The following SYNPR variants were observed in gnomAD, a reference collection of about 807,000 sequenced individuals.
The protein encoded by SYNPR is synaptoporin.
Under a neutral mutation model 32.9 loss-of-function variants are expected in SYNPR, and 23 were observed. The observed-to-expected ratio is 0.70, with a 90% CI of 0.50 to 0.99. The LOEUF is 0.99. Among genes scored for constraint, SYNPR ranks in the 50% least tolerant of loss-of-function variants. The pLI, the probability that SYNPR is intolerant of heterozygous loss-of-function variation, is 0.00. For synonymous variants in SYNPR, 146 were observed against 135.9 expected (o/e 1.07, Z -0.52); for missense variants, 318 against 349.3 (o/e 0.91, Z 0.71).
At chr3:63,451,389 A>C (rs947533486) in intron 2 of SYNPR, among the ~76,000 whole-genome samples, 2 of 152,182 alleles carry the variant, frequency 1.3e-5, no homozygotes, top group Admixed American at 6.6e-5. Flanking sequence ...ATTCCATCTC[A>C]AGGGGAGATT....
chr3:63,479,060 C>T (rs966729570), intron 2 of SYNPR, among the ~76,000 whole-genome samples: 4 of 152,122 alleles, frequency 2.6e-5, no homozygotes, highest in Non-Finnish European at 5.9e-5. Flanking sequence ...TGTGTCTCAA[C>T]CCTAGATTGT....
chr3:63,560,069 C>A (rs1702660542), intron 4 of SYNPR, among the ~76,000 whole-genome samples: 1 of 152,090 alleles, frequency 6.6e-6, no homozygotes, highest in Non-Finnish European at 1.5e-5. Context: ...TCCCATCAAG[C>A]AAGATATGAT....
At chr3:63,332,867 G>A (rs912297013) in intron 2 of SYNPR, among the ~76,000 whole-genome samples, 1 of 152,048 alleles carries the variant, frequency 6.6e-6, no homozygotes, top group African/African-American at 2.4e-5. Context: ...TGACATTTTG[G>A]GCTGCCTGGT....
intron 4 of SYNPR, among the ~76,000 whole-genome samples, chr3:63,561,897 G>A (rs997449678): frequency 6.6e-6 from 1 of 152,138 alleles, no homozygotes; most frequent in Non-Finnish European, 1.5e-5. Context: ...GAATATGTAT[G>A]ACAAGATTGC....
chr3:63,540,417 A>C (rs1221591740), intron 3 of SYNPR, among the ~76,000 whole-genome samples: 1 of 152,148 alleles, frequency 6.6e-6, no homozygotes, highest in Non-Finnish European at 1.5e-5. Flanking sequence ...GGCAAGGTGC[A>C]GAAAACAAGG....
intron 3 of SYNPR, among the ~76,000 whole-genome samples, chr3:63,522,488 T>C (rs1203923968): frequency 3.3e-5 from 5 of 152,242 alleles, no homozygotes; most frequent in Admixed American, 6.5e-5. Context: ...AACTACATCA[T>C]ATAATGATTG....
At chr3:63,284,596 G>C (rs2086662648) in intron 2 of SYNPR, among the ~76,000 whole-genome samples, 1 of 152,074 alleles carries the variant, frequency 6.6e-6, no homozygotes. Context: ...GTGAGGTATA[G>C]GTCTACTTGA....
At chr3:63,470,317 AT>A (rs1270022044) in intron 2 of SYNPR, among the ~76,000 whole-genome samples, 1 of 152,202 alleles carries the variant, frequency 6.6e-6, no homozygotes, top group East Asian at 1.9e-4. Context: ...CCCTTGCATA[AT>A]ATTGATTGGA....
chr3:63,371,060 C>A (rs1471309596), intron 2 of SYNPR, among the ~76,000 whole-genome samples: 5 of 152,096 alleles, frequency 3.3e-5, no homozygotes, highest in Non-Finnish European at 2.9e-5. Flanking sequence ...ATCAAGGAAA[C>A]AACCCACGAA....
the SYNPR span, among the ~76,000 whole-genome samples, chr3:63,206,566 AAAAG>A: frequency 6.6e-6 from 1 of 152,344 alleles, no homozygotes; most frequent in African/African-American, 2.4e-5. Context: ...GTCTCAAAAA[AAAAG>A]AAAAGAAAAG....
At chr3:63,286,952 G>A (rs6777536) in intron 2 of SYNPR, among the ~76,000 whole-genome samples, 70,608 of 151,976 alleles carry the variant, frequency 0.46, 16,587 homozygotes, top group Middle Eastern at 0.52. Context: ...TCTGGGCAGC[G>A]TAATATAGTT....
chr3:63,428,111 T>C (rs1699924481), intron 2 of SYNPR, among the ~76,000 whole-genome samples: 1 of 152,238 alleles, frequency 6.6e-6, no homozygotes, highest in African/African-American at 2.4e-5. Flanking sequence ...GTTGTTTACA[T>C]GATATCTTCC....
intron 3 of SYNPR, among the ~76,000 whole-genome samples, chr3:63,553,932 G>C (rs984381251): frequency 3.9e-5 from 6 of 152,084 alleles, no homozygotes; most frequent in Admixed American, 2.0e-4. Flanking sequence ...TGTTGGTCAG[G>C]CTGGTCTCGA....
At chr3:63,205,328 A>C in the SYNPR span, among the ~76,000 whole-genome samples, 1 of 152,202 alleles carries the variant, frequency 6.6e-6, no homozygotes, top group Non-Finnish European at 1.5e-5. Context: ...ACAAATCAAT[A>C]AATTTCAGAA....
At chr3:63,608,097 T>C (rs1251682438) in intron 4 of SYNPR, among the ~76,000 whole-genome samples, 4 of 152,130 alleles carry the variant, frequency 2.6e-5, no homozygotes, top group Admixed American at 1.3e-4. Flanking sequence ...AACATATATA[T>C]AGTCAATCTG....
chr3:63,549,516 C>T (rs928439823), intron 3 of SYNPR, among the ~76,000 whole-genome samples: 2 of 152,114 alleles, frequency 1.3e-5, no homozygotes, highest in Non-Finnish European at 2.9e-5. Flanking sequence ...TCAGTTTCCT[C>T]CTCTGTAAAA....
chr3:63,398,498 A>G lies in SYNPR; in HGVS notation c.85-82334A>G, dbSNP rs184112983. Among the ~76,000 whole-genome samples the G allele has an allele frequency of 5.8e-4, 89 of 152,170 alleles. No homozygotes were observed. In the East Asian group the frequency reaches 7.8e-3, roughly 13 times the overall value. ...CACTTTGGGAGGCCAAGGCGGGCAGATCACGAGGTCAGGAGATCGAGACCA... is the reference window on the plus strand; with the variant it reads ...CACTTTGGGAGGCCAAGGCGGGCAGGTCACGAGGTCAGGAGATCGAGACCA... On this transcript the variant is annotated intron_variant, in intron 2 of 5. Coordinates refer to ENST00000478300, the MANE Select transcript of SYNPR (RefSeq NM_001130003.2).
chr3:63,312,728 C>T (rs746775828), intron 2 of SYNPR, among the ~76,000 whole-genome samples: 4 of 151,956 alleles, frequency 2.6e-5, no homozygotes, highest in Non-Finnish European at 4.4e-5. Context: ...CATGGTGGCA[C>T]AGCCCCACCC....
intron 3 of SYNPR, among the ~76,000 whole-genome samples, chr3:63,539,763 C>T (rs545740952): frequency 3.9e-5 from 6 of 152,208 alleles, no homozygotes; most frequent in African/African-American, 1.4e-4. Flanking sequence ...GTAAAGTTTG[C>T]ATTAATGAGC....
Sources: allele counts gnomAD v4.1 joint callset (sites outside exome capture counted in the v4.1 genomes callset), GRCh38; gene constraint gnomAD v4.1.1; transcripts MANE v1.5; gene names NCBI Gene and HGNC (gene_info 2026-07-23, HGNC 2026-07-21).